C11orf65: variants seen among roughly 807,000 people sequenced by gnomAD.
The protein encoded by C11orf65 is chromosome 11 open reading frame 65, also known as protein MFI.
In C11orf65, 38 loss-of-function variants were observed where a neutral mutation model predicts 35.3. That is an observed-to-expected ratio of 1.08 (90% CI 0.83 to 1.41). The LOEUF (loss-of-function observed/expected upper bound fraction) is 1.41, where lower values mean the gene tolerates loss of function less well. Ranked by LOEUF, C11orf65 falls within the 40% of genes most tolerant of loss-of-function variation. The pLI is 0.00. For synonymous variants in C11orf65, 105 were observed against 114.4 expected, an observed-to-expected ratio of 0.92 and a Z score of 0.53; for missense variants, 370 against 367.1, an observed-to-expected ratio of 1.01 and a Z score of -0.06.
intron 6 of C11orf65, chr11:108,321,367 TAGC>T: frequency 6.2e-7 from 1 of 1,614,188 alleles, no homozygotes; most frequent in South Asian, 1.1e-5. Flanking sequence ...ATCCCACACT[TAGC>T]AGGTTGCAGG....
At position 108,448,040 on chromosome 11, in the gene C11orf65, TG is replaced by T. The variant is rs565299193; in HGVS notation, c.81+13438del. Among the ~76,000 whole-genome samples the T allele has an allele frequency of 3.2e-4, 48 of 152,160 alleles. No homozygotes were observed. In the South Asian group the frequency reaches 9.8e-3, roughly 31 times the overall value. On this transcript the variant is annotated intron_variant, in intron 2 of 8. Transcript: ENST00000393084. ...AATAAACTAGAAAATCTAGAAGAAA[TG>T]GATAAATTCCTTGACACATACACCC...
At chr11:108,343,099 G>A in intron 2 of C11orf65, 2 of 1,239,706 alleles carry the variant, frequency 1.6e-6, no homozygotes, top group Non-Finnish European at 1.2e-6. Flanking sequence ...TGTCTTCTAT[G>A]GACAGAGAAA....
intron 2 of C11orf65, among the ~76,000 whole-genome samples, chr11:108,451,340 A>T (rs2093344943): frequency 6.6e-6 from 1 of 152,048 alleles, no homozygotes; most frequent in Admixed American, 6.5e-5. Context: ...TGCAAAAATC[A>T]CAAGCATTCC....
rs1404000602 is a variant in C11orf65 at position 108,392,259 on chromosome 11, C to G, written c.731+949G>C. Among the ~76,000 whole-genome samples the G allele has an allele frequency of 2.0e-5, 3 of 152,200 alleles. No individual in the cohort carries two copies. The South Asian group carries it at 6.2e-4, about 32-fold the overall frequency. ...ATGGGGTCTCGCTATGTTGCCCAGA[C>G]TAGTCTCAAAATCCTGGGCTCAAGT... is the stretch of plus-strand genomic sequence containing the variant. On this transcript the variant is annotated intron_variant, in intron 7 of 8. Coordinates refer to ENST00000393084, the MANE Select transcript of C11orf65 (RefSeq NM_152587.5).
At chr11:108,328,925 TAA>T (rs1236914266), downstream of C11orf65, 1 of 1,284,484 alleles carries the variant, frequency 7.8e-7, no homozygotes, top group Admixed American at 2.0e-5. Context: ...TATATGTATA[TAA>T]GTTAAATTTT....
intron 2 of C11orf65, chr11:108,353,993 A>T: frequency 2.0e-6 from 2 of 1,018,200 alleles, no homozygotes; most frequent in Non-Finnish European, 3.0e-6. Context: ...AAGTGGGAGG[A>T]TTGTTTGAGC....
chr11:108,379,288 T>G (rs368866312), downstream of C11orf65, among the ~76,000 whole-genome samples: 2 of 152,294 alleles, frequency 1.3e-5, no homozygotes, highest in East Asian at 3.9e-4. Context: ...CATGGAATAC[T>G]ATGCAGCCAT....
intron 2 of C11orf65, among the ~76,000 whole-genome samples, chr11:108,374,688 C>T (rs192500328): frequency 0.03 from 4,602 of 152,112 alleles, 107 homozygotes; most frequent in Non-Finnish European, 0.046. Flanking sequence ...CAAACTACTC[C>T]GAGCTACAGG....
chr11:108,346,319 A>G (rs2088387802), intron 2 of C11orf65, among the ~76,000 whole-genome samples: 1 of 152,040 alleles, frequency 6.6e-6, no homozygotes, highest in Non-Finnish European at 1.5e-5. Context: ...AGTGATTAAT[A>G]CTTTTTAATA....
chr11:108,329,066 C>G (rs778888033), downstream of C11orf65: 19 of 1,613,916 alleles, frequency 1.2e-5, no homozygotes, highest in Admixed American at 2.8e-4. Flanking sequence ...TAGTGATGAG[C>G]TAAGAAATGG....
chr11:108,467,299 G>C (rs2093552535), intron 1 of C11orf65, among the ~76,000 whole-genome samples, 172 bp downstream of exon 1: 2 of 152,140 alleles, frequency 1.3e-5, no homozygotes, highest in Non-Finnish European at 2.9e-5. Flanking sequence ...TGGAGGCCTC[G>C]CTGGGAGGGC....
chr11:108,435,467 A>G (rs562660990), intron 2 of C11orf65, among the ~76,000 whole-genome samples: 2 of 152,342 alleles, frequency 1.3e-5, no homozygotes, highest in South Asian at 4.1e-4. Context: ...GTAATACCAT[A>G]TTCTGTAAGA....
At chr11:108,385,182 CT>C (rs1319355665) in intron 8 of C11orf65, among the ~76,000 whole-genome samples, 26 of 152,238 alleles carry the variant, frequency 1.7e-4, no homozygotes, top group Non-Finnish European at 2.5e-4. Flanking sequence ...AAACGATTCT[CT>C]TGCCACAGCC....
At chr11:108,371,704 G>A (rs1026150803) in intron 2 of C11orf65, among the ~76,000 whole-genome samples, 2 of 152,048 alleles carry the variant, frequency 1.3e-5, no homozygotes, top group Non-Finnish European at 2.9e-5. Context: ...CTATTTACAT[G>A]GGTATACAAA....
intron 2 of C11orf65, among the ~76,000 whole-genome samples, chr11:108,357,436 A>G (rs1183493092): frequency 1.5e-4 from 23 of 151,476 alleles, no homozygotes; most frequent in East Asian, 1.2e-3. Context: ...ACTGGGTGGA[A>G]CCCACCACAG....
chr11:108,442,033 A>G (rs775183823), intron 2 of C11orf65, among the ~76,000 whole-genome samples: 2 of 152,224 alleles, frequency 1.3e-5, no homozygotes, highest in Admixed American at 6.5e-5. Flanking sequence ...TCTCCGAGCT[A>G]AAGGAGGATG....
At chr11:108,340,908 T>G (rs2087479495) in intron 2 of C11orf65, among the ~76,000 whole-genome samples, 1 of 152,224 alleles carries the variant, frequency 6.6e-6, no homozygotes, top group African/African-American at 2.4e-5. Context: ...TTTTAAAATT[T>G]TTATTTTTTA....
At chr11:108,420,282 C>T (rs1408422985) in intron 3 of C11orf65, among the ~76,000 whole-genome samples, 1 of 152,106 alleles carries the variant, frequency 6.6e-6, no homozygotes, top group Non-Finnish European at 1.5e-5. Flanking sequence ...AAAGAAGATG[C>T]TTATATGAAG....
chr11:108,357,737 G>C (rs889031086), intron 2 of C11orf65, among the ~76,000 whole-genome samples: 6 of 152,152 alleles, frequency 3.9e-5, no homozygotes, highest in African/African-American at 4.8e-5. Flanking sequence ...TGAGGGTCTT[G>C]TCTGTTAGAA....
Sources: gnomAD v4.1 joint callset for allele counts (sites outside exome capture counted in the v4.1 genomes callset) on GRCh38, gnomAD v4.1.1 for gene constraint, MANE v1.5 for transcripts, NCBI Gene and HGNC (gene_info 2026-07-23, HGNC 2026-07-21) for gene names.